The following AGBL4 variants were observed in gnomAD, a reference collection of about 807,000 sequenced individuals.
AGBL4 encodes AGBL carboxypeptidase 4, also known as cytosolic carboxypeptidase 6.
AGBL4 carries 58 observed loss-of-function variants against 66.4 expected under a neutral mutation model. That is an observed-to-expected ratio of 0.87 (90% CI 0.71 to 1.09). The LOEUF (loss-of-function observed/expected upper bound fraction) is 1.09, where lower values mean the gene tolerates loss of function less well. Ranked by LOEUF, AGBL4 falls within the 50% of genes least tolerant of loss-of-function variation. AGBL4 has a pLI of 0.00. For synonymous variants in AGBL4, 234 were observed against 222.9 expected (o/e 1.05, Z -0.44); for missense variants, 579 against 631.0 (o/e 0.92, Z 0.88).
At chr1:49,924,457 T>G (rs1652568648) in intron 1 of AGBL4, among the ~76,000 whole-genome samples, 1 of 152,146 alleles carries the variant, frequency 6.6e-6, no homozygotes, top group Non-Finnish European at 1.5e-5. Context: ...AAAGAATGGG[T>G]GTTACCTAAT....
At chr1:48,989,408 A>G (rs1660432964) in intron 5 of AGBL4, among the ~76,000 whole-genome samples, 1 of 152,092 alleles carries the variant, frequency 6.6e-6, no homozygotes, top group Non-Finnish European at 1.5e-5. Flanking sequence ...TTTTAAATGT[A>G]CAATTAAATT....
intron 5 of AGBL4, among the ~76,000 whole-genome samples, chr1:48,961,482 G>C (rs1164074010): frequency 2.0e-5 from 3 of 152,230 alleles, no homozygotes; most frequent in Admixed American, 6.5e-5. Context: ...CCCTGAGAGA[G>C]AGTAAAGAAC....
At chr1:48,629,803 G>C (rs1371127533) in intron 9 of AGBL4, among the ~76,000 whole-genome samples, 4 of 152,196 alleles carry the variant, frequency 2.6e-5, no homozygotes, top group Admixed American at 2.0e-4. Flanking sequence ...CACCAGATCA[G>C]AGCCTTCATT....
chr1:49,742,435 A>C (rs369284672), intron 2 of AGBL4, among the ~76,000 whole-genome samples: 2 of 152,162 alleles, frequency 1.3e-5, no homozygotes, highest in Non-Finnish European at 2.9e-5. Context: ...TTCCATGCTC[A>C]TGGGTAGGAA....
chr1:50,008,821 T>G (rs1004166868), intron 1 of AGBL4, among the ~76,000 whole-genome samples: 1 of 151,766 alleles, frequency 6.6e-6, no homozygotes, highest in African/African-American at 2.4e-5. Flanking sequence ...AAGAAGACAC[T>G]AAAATTGATG....
intron 1 of AGBL4, among the ~76,000 whole-genome samples, chr1:49,993,875 G>A (rs1441717291): frequency 6.6e-6 from 1 of 152,172 alleles, no homozygotes. Context: ...GGATTTTTAA[G>A]TATTTACTAT....
chr1:49,355,983 T>A (rs940813175), intron 3 of AGBL4, among the ~76,000 whole-genome samples: 1 of 152,182 alleles, frequency 6.6e-6, no homozygotes, highest in South Asian at 2.1e-4. Flanking sequence ...CAATTCTTTC[T>A]TAGGGGAGAG....
chr1:48,763,693 G>C (rs1644391639), intron 6 of AGBL4, among the ~76,000 whole-genome samples: 1 of 152,216 alleles, frequency 6.6e-6, no homozygotes, highest in Admixed American at 6.5e-5. Flanking sequence ...TCAGGATCAT[G>C]TTAGTGTGGA....
chr1:48,907,252 T>C (rs1305751800), intron 5 of AGBL4, among the ~76,000 whole-genome samples: 1 of 152,250 alleles, frequency 6.6e-6, no homozygotes, highest in Non-Finnish European at 1.5e-5. Flanking sequence ...TTCTCCTTCT[T>C]ATGTTAGCCA....
the AGBL4 span, among the ~76,000 whole-genome samples, chr1:48,525,559 C>A: frequency 6.6e-6 from 1 of 152,144 alleles, no homozygotes; most frequent in Non-Finnish European, 1.5e-5. Context: ...CTCAGTTGAT[C>A]CTCACGATTC....
chr1:49,951,628 CAT>C (rs1231009187), intron 1 of AGBL4, among the ~76,000 whole-genome samples: 2 of 151,896 alleles, frequency 1.3e-5, no homozygotes, highest in Non-Finnish European at 2.9e-5. Context: ...TGAATATTCA[CAT>C]AGTTTACTAC....
chr1:49,231,776 A>C (rs888113822), intron 4 of AGBL4, among the ~76,000 whole-genome samples: 1 of 152,216 alleles, frequency 6.6e-6, no homozygotes, highest in Non-Finnish European at 1.5e-5. Context: ...TGATGATGTG[A>C]AAATGATACA....
At chr1:49,402,283 A>G (rs528054129) in intron 3 of AGBL4, among the ~76,000 whole-genome samples, 4 of 152,132 alleles carry the variant, frequency 2.6e-5, no homozygotes, top group African/African-American at 9.6e-5. Flanking sequence ...CTTGTTTGGA[A>G]TATTTCTTCT....
rs1644033565 is a variant in AGBL4 at position 48,539,726 on chromosome 1, C to T, written c.1280G>A (p.Gly427Glu). ...PYTEEAYMKLGRNVARTFLDY... is the reference protein window; with the variant it reads ...PYTEEAYMKLERNVARTFLDY... ...CAAAAAGGTTCTTGCCACATTCCGCCCCAGCTTCATATCTGCAGGTGTGTG... is the reference window on the plus strand; with the variant it reads ...CAAAAAGGTTCTTGCCACATTCCGCTCCAGCTTCATATCTGCAGGTGTGTG... The change falls in exon 12 of 14, where the codon GGG (glycine) becomes GAG (glutamate). Residue 427 changes from glycine (G) to glutamate (E), a missense_variant. Coordinates refer to ENST00000371839, the MANE Select transcript of AGBL4 (RefSeq NM_032785.4). 3.2e-6 allele frequency: 5 copies of T among 1,539,878 alleles called. No individual in the cohort carries two copies. The highest frequency in any genetic ancestry group is 3.5e-6 in the Non-Finnish European group (4 of 1,139,046).
At chr1:48,654,814 T>G (rs969400835) in intron 7 of AGBL4, among the ~76,000 whole-genome samples, 1 of 152,240 alleles carries the variant, frequency 6.6e-6, no homozygotes, top group South Asian at 2.1e-4. Flanking sequence ...TGAAAGCCAG[T>G]TGGACATCAT....
At chr1:49,297,043 G>T (rs184878536) in intron 3 of AGBL4, among the ~76,000 whole-genome samples, 2 of 152,276 alleles carry the variant, frequency 1.3e-5, no homozygotes, top group Non-Finnish European at 2.9e-5. Context: ...AAGGCCAAAA[G>T]CATTCCAAAA....
At chr1:49,203,820 A>G (rs900252429) in intron 4 of AGBL4, among the ~76,000 whole-genome samples, 1 of 152,216 alleles carries the variant, frequency 6.6e-6, no homozygotes, top group Non-Finnish European at 1.5e-5. Flanking sequence ...ACAAAAAAAG[A>G]GTTTCAAGTC....
intron 6 of AGBL4, among the ~76,000 whole-genome samples, chr1:48,698,850 A>G (rs1030636137): frequency 1.3e-5 from 2 of 152,208 alleles, no homozygotes; most frequent in African/African-American, 4.8e-5. Context: ...AAGTTAAATA[A>G]CTGGTCACAG....
At chr1:49,652,466 G>A (rs944527673) in intron 3 of AGBL4, among the ~76,000 whole-genome samples, 1 of 152,096 alleles carries the variant, frequency 6.6e-6, no homozygotes, top group Non-Finnish European at 1.5e-5. Context: ...AGACTCACAG[G>A]GACTGCTCGG....
Sources: allele counts gnomAD v4.1 joint callset (sites outside exome capture counted in the v4.1 genomes callset), GRCh38; gene constraint gnomAD v4.1.1; transcripts MANE v1.5; gene names NCBI Gene and HGNC (gene_info 2026-07-23, HGNC 2026-07-21).